RBFOX1: variants seen among roughly 807,000 people sequenced by gnomAD.
The protein encoded by RBFOX1 is RNA binding protein fox-1 homolog 1.
Under a neutral mutation model 57.7 loss-of-function variants are expected in RBFOX1, and 8 were observed. That is an observed-to-expected ratio of 0.14 (90% CI 0.08 to 0.25). The LOEUF (loss-of-function observed/expected upper bound fraction) is 0.25. Ranked by LOEUF, RBFOX1 falls within the 10% of genes least tolerant of loss-of-function variation. RBFOX1 has a pLI of 1.00. For missense variants in RBFOX1, 611 were observed against 548.5 expected, an observed-to-expected ratio of 1.11 and a Z score of -1.14; for synonymous variants, 326 against 222.4, an observed-to-expected ratio of 1.47 and a Z score of -4.15.
intron 3 of RBFOX1, among the ~76,000 whole-genome samples, chr16:6,984,981 T>C (rs544655212): frequency 2.6e-5 from 4 of 151,790 alleles, no homozygotes; most frequent in Non-Finnish European, 2.9e-5. Context: ...AAGTGAAAAA[T>C]CAGGAGGGAG....
At chr16:7,516,679 G>T (rs886544421) in intron 4 of RBFOX1, among the ~76,000 whole-genome samples, 1 of 152,196 alleles carries the variant, frequency 6.6e-6, no homozygotes, top group Admixed American at 6.5e-5. Flanking sequence ...GGCGAAATTT[G>T]TCTGGAGGAG....
chr16:7,064,613 C>T (rs9922322), intron 4 of RBFOX1, among the ~76,000 whole-genome samples: 68,893 of 151,966 alleles, frequency 0.45, 18,094 homozygotes, highest in South Asian at 0.67. Context: ...GAGTCGCAGA[C>T]TTCTGGCCTC....
chr16:6,736,571 T>G (rs1222567012), intron 3 of RBFOX1, among the ~76,000 whole-genome samples: 1 of 152,254 alleles, frequency 6.6e-6, no homozygotes, highest in East Asian at 1.9e-4. Flanking sequence ...AATGGGCATT[T>G]GGATTGGTTC....
intron 2 of RBFOX1, among the ~76,000 whole-genome samples, chr16:6,564,625 T>C (rs1018733520): frequency 4.6e-5 from 7 of 151,660 alleles, no homozygotes; most frequent in African/African-American, 1.5e-4. Context: ...AGTAGAAAGG[T>C]GGTTGGCAAG....
At position 5,555,936 on chromosome 16, in the gene RBFOX1, G is replaced by T. The variant is rs150781563; in HGVS notation, c.259-42966G>T. The stretch of plus-strand genomic sequence containing the variant: ...CTTGGGAGGCTGAGACGGGAGAATC[G>T]CTTGAACCCTGGAGGTGGAGGTTGC... On this transcript the variant is annotated intron_variant, in intron 2 of 2. Coordinates refer to the RBFOX1 transcript ENST00000585867. Among the ~76,000 whole-genome samples, 3 of 152,024 alleles carry T rather than the reference G, an allele frequency of 2.0e-5. No individual in the cohort carries two copies. In the East Asian group the frequency reaches 5.8e-4, roughly 30 times the overall value.
intron 4 of RBFOX1, among the ~76,000 whole-genome samples, chr16:7,121,128 A>T (rs2067084195): frequency 6.6e-6 from 1 of 152,074 alleles, no homozygotes; most frequent in African/African-American, 2.4e-5. Context: ...CTGGTAGAGG[A>T]TGTCAACAAA....
chr16:7,054,215 G>A (rs1453896394), intron 4 of RBFOX1, among the ~76,000 whole-genome samples: 1 of 32,534 alleles, frequency 3.1e-5, no homozygotes, highest in Non-Finnish European at 9.4e-5. Context: ...TTTTTTTTCG[G>A]GGGGGGGGGG....
chr16:7,577,837 G>T (rs1271995219), intron 5 of RBFOX1, among the ~76,000 whole-genome samples: 1 of 152,230 alleles, frequency 6.6e-6, no homozygotes, highest in Non-Finnish European at 1.5e-5. Context: ...CAAGGCTTCA[G>T]TGAGCCGTGA....
At chr16:7,121,933 G>A (rs1370710859) in intron 4 of RBFOX1, among the ~76,000 whole-genome samples, 1 of 128,850 alleles carries the variant, frequency 7.8e-6, no homozygotes, top group Non-Finnish European at 1.7e-5. Context: ...AAATGATTTT[G>A]TTTTCAACAA....
At chr16:6,518,511 C>G (rs1215279470) in intron 2 of RBFOX1, among the ~76,000 whole-genome samples, 1 of 152,056 alleles carries the variant, frequency 6.6e-6, no homozygotes, top group Non-Finnish European at 1.5e-5. Flanking sequence ...GTAGTTTTCT[C>G]TGGGTCATGT....
intron 3 of RBFOX1, among the ~76,000 whole-genome samples, chr16:6,805,876 A>C (rs994550891): frequency 1.3e-5 from 2 of 152,100 alleles, no homozygotes; most frequent in Non-Finnish European, 2.9e-5. Context: ...TCTTTCCAAC[A>C]CGAATCACTA....
At chr16:5,678,915 A>G (rs2050247518) in intron 3 of RBFOX1, among the ~76,000 whole-genome samples, 1 of 152,196 alleles carries the variant, frequency 6.6e-6, no homozygotes. Flanking sequence ...AAGAAGAGCG[A>G]TGGCTTAATT....
chr16:6,827,695 T>G (rs1334876819), intron 3 of RBFOX1, among the ~76,000 whole-genome samples: 1 of 152,174 alleles, frequency 6.6e-6, no homozygotes, highest in Non-Finnish European at 1.5e-5. Context: ...AGGGGCCAGC[T>G]TCTCTCCGTC....
chr16:6,828,864 T>A (rs1161436224), intron 3 of RBFOX1, among the ~76,000 whole-genome samples: 1 of 152,152 alleles, frequency 6.6e-6, no homozygotes, highest in Non-Finnish European at 1.5e-5. Context: ...TCATAAGTAT[T>A]CCACCCCTTG....
At chr16:5,780,759 C>T (rs939622123) in intron 3 of RBFOX1, among the ~76,000 whole-genome samples, 4 of 152,196 alleles carry the variant, frequency 2.6e-5, no homozygotes, top group Non-Finnish European at 5.9e-5. Context: ...GTACAGGCAG[C>T]TCCCGAGAGA....
chr16:6,153,545 T>C (rs193095415), intron 1 of RBFOX1, among the ~76,000 whole-genome samples: 8 of 152,240 alleles, frequency 5.3e-5, no homozygotes, highest in African/African-American at 1.7e-4. Flanking sequence ...CGTTTTTTTT[T>C]TCCCCCTTGG....
chr16:6,927,828 G>C (rs767125752), intron 3 of RBFOX1, among the ~76,000 whole-genome samples: 21 of 152,126 alleles, frequency 1.4e-4, no homozygotes, highest in Non-Finnish European at 2.8e-4. Flanking sequence ...TAACACTGAA[G>C]GAAATAGAAA....
chr16:5,535,960 T>A (rs187620209), intron 2 of RBFOX1, among the ~76,000 whole-genome samples: 1 of 152,282 alleles, frequency 6.6e-6, no homozygotes, highest in East Asian at 1.9e-4. Context: ...GAAGTTTTGA[T>A]CTTTCCGATG....
intron 2 of RBFOX1, among the ~76,000 whole-genome samples, chr16:5,485,341 G>A (rs1184474465): frequency 1.9e-4 from 4 of 20,914 alleles, no homozygotes; most frequent in South Asian, 4.9e-3. Context: ...GCCAGACTCC[G>A]TGTCAAAAAA....
Sources: allele counts gnomAD v4.1 joint callset (sites outside exome capture counted in the v4.1 genomes callset), GRCh38; gene constraint gnomAD v4.1.1; transcripts MANE v1.5; gene names NCBI Gene and HGNC (gene_info 2026-07-23, HGNC 2026-07-21).